The following COL13A1 variants were observed in gnomAD, a reference collection of about 807,000 sequenced individuals.
The protein encoded by COL13A1 is collagen type XIII alpha 1 chain.
A neutral mutation model predicts 130.9 loss-of-function variants in COL13A1; 89 were observed. The ratio of observed to expected loss-of-function variants is 0.68; its 90% CI spans 0.57 to 0.81. The LOEUF is 0.81. Ranked by LOEUF, COL13A1 falls within the 30% of genes least tolerant of loss-of-function variation. The probability of loss-of-function intolerance (pLI) is 0.00; values close to 1 mark genes in which losing one functional copy is unlikely to be tolerated. For synonymous variants in COL13A1, 402 were observed against 341.6 expected, an observed-to-expected ratio of 1.18 and a Z score of -1.95; for missense variants, 879 against 934.6, an observed-to-expected ratio of 0.94 and a Z score of 0.78.
In COL13A1 at chr10:69,894,133, C is replaced by A. The variant is rs77129663; in HGVS notation, c.604-419C>A. ...TTGTCTGAGGCACCGGCCCAGCACCCCCAGGCCAGAAGTTCTTCTGGTTCA... is the reference window on the plus strand; with the variant it reads ...TTGTCTGAGGCACCGGCCCAGCACCACCAGGCCAGAAGTTCTTCTGGTTCA... On this transcript the variant is annotated intron_variant, in intron 10 of 40. Transcript: ENST00000645393. Among the ~76,000 whole-genome samples the A allele has an allele frequency of 1.8e-3, 272 of 152,324 alleles. 4 individuals are homozygous for A. The highest frequency in any genetic ancestry group is 6.4e-3 in the African/African-American group (266 of 41,562).
At chr10:69,861,436 GTC>G (rs1489445753) in intron 2 of COL13A1, among the ~76,000 whole-genome samples, 3 of 152,170 alleles carry the variant, frequency 2.0e-5, no homozygotes, top group Non-Finnish European at 4.4e-5. Flanking sequence ...GTACATTCCA[GTC>G]TCTCTGCCAA....
At chr10:69,844,250 C>T (rs1852398868) in intron 2 of COL13A1, among the ~76,000 whole-genome samples, 1 of 152,138 alleles carries the variant, frequency 6.6e-6, no homozygotes, top group Non-Finnish European at 1.5e-5. Flanking sequence ...GTGTGGCTGT[C>T]CAGGGAGGAT....
chr10:69,851,221 C>T (rs2133533947), intron 2 of COL13A1, among the ~76,000 whole-genome samples: 1 of 152,388 alleles, frequency 6.6e-6, no homozygotes, highest in African/African-American at 2.4e-5. Flanking sequence ...ATCTGTTCAG[C>T]TTTGGCTCTG....
intron 2 of COL13A1, among the ~76,000 whole-genome samples, chr10:69,860,502 C>A (rs1479229107): frequency 6.6e-6 from 1 of 152,222 alleles, no homozygotes; most frequent in South Asian, 2.1e-4. Context: ...TCCTGCTCAA[C>A]CCTTAGCCTT....
chr10:69,931,547 T>A (rs2066122917), intron 30 of COL13A1, among the ~76,000 whole-genome samples: 1 of 152,144 alleles, frequency 6.6e-6, no homozygotes. Flanking sequence ...CTCTAGGAAG[T>A]GGAAAGAGCC....
At position 69,918,410 on chromosome 10, in the gene COL13A1, C is replaced by A. The variant is rs187122804; in HGVS notation, c.999+93C>A. 351 of 1,278,228 alleles carry A rather than the reference C, an allele frequency of 2.7e-4. No individual in the cohort carries two copies. The African/African-American group carries it at 4.8e-3, about 18-fold the overall frequency. 79.2% of individuals were successfully genotyped at this position (1,278,228 alleles called of 1,614,324 possible). On this transcript the variant is annotated intron_variant, in intron 19 of 40. Coordinates refer to ENST00000645393, the MANE Select transcript of COL13A1 (RefSeq NM_001368882.1). ...AATCTTAGACTCAGTGGGGTGGCTG[C>A]CAGACCAATGAGGGGGCATACAGGA...
intron 39 of COL13A1, chr10:69,956,595 G>C (rs1341666646): frequency 1.6e-5 from 3 of 188,468 alleles, no homozygotes; most frequent in Non-Finnish European, 3.4e-5. Context: ...GCCCTTAGCG[G>C]TCACATCAAG....
At chr10:69,934,926 G>A (rs141536123) in intron 31 of COL13A1, among the ~76,000 whole-genome samples, 17 of 152,280 alleles carry the variant, frequency 1.1e-4, no homozygotes, top group Admixed American at 8.5e-4. Context: ...CTGCAAGAGC[G>A]CTGGATCAAA....
At chr10:69,861,067 G>T (rs1857920898) in intron 2 of COL13A1, among the ~76,000 whole-genome samples, 1 of 152,144 alleles carries the variant, frequency 6.6e-6, no homozygotes, top group Non-Finnish European at 1.5e-5. Flanking sequence ...CGTCCACAGA[G>T]AGGAGTAACC....
At chr10:69,897,971 T>C (rs1031695214) in intron 13 of COL13A1, among the ~76,000 whole-genome samples, 8 of 152,146 alleles carry the variant, frequency 5.3e-5, no homozygotes, top group African/African-American at 1.7e-4. Flanking sequence ...AAAACGTGGT[T>C]GAGCTTTCTG....
chr10:69,902,029 G>A (rs2062232714), intron 14 of COL13A1, among the ~76,000 whole-genome samples: 1 of 152,192 alleles, frequency 6.6e-6, no homozygotes, highest in South Asian at 2.1e-4. Flanking sequence ...AGCAGGCTGT[G>A]TGTGAGAAGG....
At chr10:69,844,632 G>T (rs527300738) in intron 2 of COL13A1, among the ~76,000 whole-genome samples, 41 of 152,314 alleles carry the variant, frequency 2.7e-4, no homozygotes, top group Non-Finnish European at 5.3e-4. Context: ...GGGTTAACTA[G>T]CAATGTTGGC....
intron 1 of COL13A1, among the ~76,000 whole-genome samples, chr10:69,808,436 T>C (rs564418301): frequency 3.7e-4 from 57 of 152,340 alleles, no homozygotes; most frequent in Admixed American, 1.2e-3. Context: ...AGACATAGCA[T>C]GTGTTGTTGG....
chr10:69,938,640 T>C (rs1209454555), intron 34 of COL13A1, among the ~76,000 whole-genome samples: 3 of 152,084 alleles, frequency 2.0e-5, no homozygotes, highest in African/African-American at 7.2e-5. Context: ...CAGGTAGCCA[T>C]AAAGAGCAGA....
chr10:69,815,663 C>A (rs1202289921), intron 1 of COL13A1, among the ~76,000 whole-genome samples: 1 of 152,166 alleles, frequency 6.6e-6, no homozygotes, highest in Non-Finnish European at 1.5e-5. Flanking sequence ...ACAGCACCAC[C>A]TGATTGTACA....
chr10:69,855,084 G>A (rs912757988), intron 2 of COL13A1, among the ~76,000 whole-genome samples: 1 of 152,214 alleles, frequency 6.6e-6, no homozygotes, highest in African/African-American at 2.4e-5. Context: ...TATGGAGCCT[G>A]GGTGTTTACA....
chr10:69,925,013 T>C lies in COL13A1; in HGVS notation c.1329+6T>C, dbSNP rs1270636578. 6.3e-7 allele frequency: 1 copy of C among 1,577,568 alleles called. No homozygotes were observed. Reference sequence around the variant, plus strand: ...AGGGACCAGATGGCCCCAAGGTATGTGCCTCTCCCTCCTGGAGTCACAGCG... The same window carrying C: ...AGGGACCAGATGGCCCCAAGGTATGCGCCTCTCCCTCCTGGAGTCACAGCG... On this transcript the variant is annotated splice_donor_region_variant and intron_variant, in intron 25 of 40. Transcript: ENST00000645393.
At chr10:69,807,959 A>G (rs542939674) in intron 1 of COL13A1, among the ~76,000 whole-genome samples, 5 of 152,350 alleles carry the variant, frequency 3.3e-5, no homozygotes, top group African/African-American at 4.8e-5. Flanking sequence ...ATGCAGCCTC[A>G]GAATCCTTTT....
At chr10:69,854,960 T>G (rs1285629306) in intron 2 of COL13A1, among the ~76,000 whole-genome samples, 1 of 152,168 alleles carries the variant, frequency 6.6e-6, no homozygotes, top group Non-Finnish European at 1.5e-5. Flanking sequence ...CTCCCCGTTC[T>G]CCAGGCTGTG....
Sources: allele counts gnomAD v4.1 joint callset (sites outside exome capture counted in the v4.1 genomes callset), GRCh38; gene constraint gnomAD v4.1.1; transcripts MANE v1.5; gene names NCBI Gene and HGNC (gene_info 2026-07-23, HGNC 2026-07-21).